RANBP2: variants seen among roughly 807,000 people sequenced by gnomAD.
RANBP2 encodes E3 SUMO-protein ligase RanBP2.
Under a neutral mutation model 303.6 loss-of-function variants are expected in RANBP2, and 57 were observed. The observed-to-expected ratio is 0.19, with a 90% CI of 0.15 to 0.23. The LOEUF (loss-of-function observed/expected upper bound fraction) is 0.23, where lower values mean the gene tolerates loss of function less well. RANBP2 is among the 10% of genes least tolerant of loss of function. RANBP2 has a pLI of 1.00. For missense variants in RANBP2, 3,138 were observed against 3,780.8 expected (o/e 0.83, Z 4.46); for synonymous variants, 1,167 against 1,301.5 (o/e 0.90, Z 2.23).
chr2:108,817,449 C>T, the RANBP2 span, among the ~76,000 whole-genome samples: 5 of 152,104 alleles, frequency 3.3e-5, no homozygotes, highest in South Asian at 2.1e-4. Flanking sequence ...TGTGCCACCA[C>T]GCCCAGCTAA....
the RANBP2 span, among the ~76,000 whole-genome samples, chr2:109,626,393 C>T: frequency 6.6e-6 from 1 of 152,068 alleles, no homozygotes; most frequent in Non-Finnish European, 1.5e-5. Flanking sequence ...CACTTGAACC[C>T]AGGAGGCGGA....
the RANBP2 span, chr2:109,613,914 G>A: frequency 1.6e-6 from 2 of 1,226,430 alleles, no homozygotes; most frequent in Non-Finnish European, 2.0e-6. Context: ...AGGCCGGAGG[G>A]CAGAAGCAAC....
chr2:109,634,062 G>A, the RANBP2 span, among the ~76,000 whole-genome samples: 1 of 130,594 alleles, frequency 7.7e-6, no homozygotes, highest in African/African-American at 2.9e-5. Flanking sequence ...GGAGGTTGCA[G>A]TGAGCCGAGG....
the RANBP2 span, among the ~76,000 whole-genome samples, chr2:109,720,146 A>T: frequency 1.3e-5 from 2 of 152,142 alleles, no homozygotes; most frequent in Non-Finnish European, 2.9e-5. Context: ...TTGCCAATAG[A>T]ACATGTGATG....
the RANBP2 span, among the ~76,000 whole-genome samples, chr2:109,574,080 G>A: frequency 6.6e-6 from 1 of 152,000 alleles, no homozygotes; most frequent in Non-Finnish European, 1.5e-5. Context: ...TTCCTTCTTT[G>A]CATCTCATCT....
chr2:108,977,763 T>C, the RANBP2 span, among the ~76,000 whole-genome samples: 1,085 of 152,310 alleles, frequency 7.1e-3, 8 homozygotes, highest in South Asian at 0.027. Context: ...GAAACAGGCC[T>C]CAGTGTCTGA....
At chr2:108,922,302 G>A in the RANBP2 span, among the ~76,000 whole-genome samples, 8 of 152,232 alleles carry the variant, frequency 5.3e-5, no homozygotes, top group Admixed American at 3.3e-4. Flanking sequence ...GAGGACATGC[G>A]GGCCATGGCA....
chr2:109,640,077 C>G, the RANBP2 span, among the ~76,000 whole-genome samples: 1 of 151,742 alleles, frequency 6.6e-6, no homozygotes, highest in African/African-American at 2.4e-5. Context: ...GTGAATATCT[C>G]TTTCCTTCTT....
the RANBP2 span, among the ~76,000 whole-genome samples, chr2:109,087,963 C>T: frequency 6.6e-6 from 1 of 152,134 alleles, no homozygotes; most frequent in Non-Finnish European, 1.5e-5. Flanking sequence ...TGTCTAATGC[C>T]GTTAAAATTT....
At chr2:109,207,658 G>C in the RANBP2 span, among the ~76,000 whole-genome samples, 1 of 152,092 alleles carries the variant, frequency 6.6e-6, no homozygotes, top group Non-Finnish European at 1.5e-5. Flanking sequence ...ATGATGTAAG[G>C]TGCCACCTAT....
the RANBP2 span, among the ~76,000 whole-genome samples, chr2:109,272,164 G>A: frequency 6.6e-6 from 1 of 152,202 alleles, no homozygotes; most frequent in East Asian, 1.9e-4. Flanking sequence ...GGAATAAGAT[G>A]TACCCTTGGG....
At chr2:109,673,043 G>A in the RANBP2 span, among the ~76,000 whole-genome samples, 1 of 152,124 alleles carries the variant, frequency 6.6e-6, no homozygotes, top group African/African-American at 2.4e-5. Context: ...AACAAATTCA[G>A]AGGAAAATTG....
the RANBP2 span, among the ~76,000 whole-genome samples, chr2:109,602,945 C>G: frequency 6.7e-6 from 1 of 149,600 alleles, no homozygotes; most frequent in African/African-American, 2.5e-5. Flanking sequence ...GTGGTGTGTA[C>G]CTGTGGAAAC....
the RANBP2 span, among the ~76,000 whole-genome samples, chr2:109,632,414 T>C: frequency 1.3e-5 from 2 of 152,176 alleles, no homozygotes; most frequent in African/African-American, 4.8e-5. Flanking sequence ...CCTCAATCTG[T>C]GGCATCTGCA....
chr2:109,213,560 T>TA, the RANBP2 span, among the ~76,000 whole-genome samples: 1 of 152,138 alleles, frequency 6.6e-6, no homozygotes, highest in Admixed American at 6.5e-5. Context: ...GCTGGGCTCT[T>TA]AAAGCAAGGA....
the RANBP2 span, among the ~76,000 whole-genome samples, chr2:109,153,217 G>A: frequency 7.2e-5 from 11 of 152,220 alleles, no homozygotes; most frequent in African/African-American, 2.7e-4. Flanking sequence ...GGGTGAGGCT[G>A]AATGAGTACA....
chr2:109,426,536 A>G, the RANBP2 span, among the ~76,000 whole-genome samples: 1 of 152,222 alleles, frequency 6.6e-6, no homozygotes, highest in Non-Finnish European at 1.5e-5. Flanking sequence ...GAAAACTTGA[A>G]CAGATGAGGA....
the RANBP2 span, among the ~76,000 whole-genome samples, chr2:109,298,425 T>C: frequency 4.6e-5 from 7 of 152,214 alleles, no homozygotes; most frequent in African/African-American, 1.7e-4. Context: ...CCATGGTCTG[T>C]GGGTCATTGA....
At chr2:109,007,613 C>T in the RANBP2 span, among the ~76,000 whole-genome samples, 1,022 of 152,308 alleles carry the variant, frequency 6.7e-3, 12 homozygotes, top group African/African-American at 0.023. Flanking sequence ...CTCCCTCTCA[C>T]ATAGCACAGC....
Sources: allele counts gnomAD v4.1 joint callset (sites outside exome capture counted in the v4.1 genomes callset), GRCh38; gene constraint gnomAD v4.1.1; transcripts MANE v1.5; gene names NCBI Gene and HGNC (gene_info 2026-07-23, HGNC 2026-07-21).